Variants in VAT1L observed in about 807,000 individuals in gnomAD.
The protein encoded by VAT1L is putative NADPH-dependent quinone oxidoreductase VAT1L.
A neutral mutation model predicts 44.1 loss-of-function variants in VAT1L; 34 were observed. The observed-to-expected ratio is 0.77, with a 90% CI of 0.59 to 1.03. The LOEUF (loss-of-function observed/expected upper bound fraction) is 1.03, where lower values mean the gene tolerates loss of function less well. VAT1L is among the 50% of genes least tolerant of loss of function. VAT1L has a pLI of 0.00. For missense variants in VAT1L, 615 were observed against 538.8 expected (o/e 1.14, Z -1.40); for synonymous variants, 253 against 202.2 (o/e 1.25, Z -2.13).
At position 77,788,813 on chromosome 16, in the gene VAT1L, C is replaced by G. The variant is rs748130621; in HGVS notation, c.131C>G (p.Ala44Gly). 1 of 1,576,436 alleles carries G rather than the reference C, an allele frequency of 6.3e-7. No homozygotes were observed. Among genetic ancestry groups the G allele is most frequent in the East Asian group, 2.3e-5 (1 of 43,336 alleles). ...HRLGDAQEMR[A>G]VVLAGFGGLN... ...CTCGGGGACGCCCAGGAGATGCGCGCGGTGGTGCTGGCTGGCTTCGGGGGG... is the reference window on the plus strand; with the variant it reads ...CTCGGGGACGCCCAGGAGATGCGCGGGGTGGTGCTGGCTGGCTTCGGGGGG... Residue 44 changes from alanine to glycine, a missense_variant, in exon 1 of 9, where the codon GCG (alanine) becomes GGG (glycine). Transcript: ENST00000302536.
At chr16:77,815,951 G>A (rs1198447683) in intron 1 of VAT1L, among the ~76,000 whole-genome samples, 1 of 127,286 alleles carries the variant, frequency 7.9e-6, no homozygotes, top group Non-Finnish European at 1.7e-5. Context: ...CTGGACAACA[G>A]GAGCAAAACT....
intron 2 of VAT1L, among the ~76,000 whole-genome samples, chr16:77,823,704 T>G (rs1597181478): frequency 6.6e-6 from 1 of 152,338 alleles, no homozygotes; most frequent in South Asian, 2.1e-4. Flanking sequence ...ATAGATTTCA[T>G]AGTGATCAAA....
chr16:77,886,174 A>G (rs2017207339), intron 7 of VAT1L, among the ~76,000 whole-genome samples: 1 of 152,194 alleles, frequency 6.6e-6, no homozygotes, highest in African/African-American at 2.4e-5. Context: ...CGTATCAGAT[A>G]ATTGTGCATG....
At chr16:77,973,874 T>C (rs1205859283) in intron 8 of VAT1L, among the ~76,000 whole-genome samples, 1 of 151,892 alleles carries the variant, frequency 6.6e-6, no homozygotes, top group East Asian at 1.9e-4. Flanking sequence ...TACAGGCACC[T>C]GCCACCATGC....
At chr16:77,894,970 T>C (rs777342867) in intron 7 of VAT1L, among the ~76,000 whole-genome samples, 26 of 151,840 alleles carry the variant, frequency 1.7e-4, no homozygotes, top group Non-Finnish European at 3.2e-4. Flanking sequence ...ATGAGCAAAA[T>C]TGGGCTCCAG....
chr16:77,839,555 A>G (rs947468739), intron 3 of VAT1L, among the ~76,000 whole-genome samples: 30 of 145,786 alleles, frequency 2.1e-4, no homozygotes, highest in African/African-American at 6.5e-4. Flanking sequence ...AAAAAAAAAA[A>G]AAAAAAAAAA....
chr16:77,962,562 T>C (rs1036439826), intron 7 of VAT1L, among the ~76,000 whole-genome samples: 7 of 138,732 alleles, frequency 5.0e-5, no homozygotes, highest in African/African-American at 1.6e-4. Context: ...GAGTATATCA[T>C]AGGCGGGACC....
At chr16:77,896,780 T>C (rs970183977) in intron 7 of VAT1L, among the ~76,000 whole-genome samples, 7 of 152,254 alleles carry the variant, frequency 4.6e-5, no homozygotes, top group Middle Eastern at 3.4e-3. Flanking sequence ...TTGTTAGGAG[T>C]CTGGGAGCTC....
intron 7 of VAT1L, among the ~76,000 whole-genome samples, chr16:77,916,151 C>A (rs953508950): frequency 3.3e-5 from 5 of 152,056 alleles, no homozygotes; most frequent in African/African-American, 9.7e-5. Flanking sequence ...AGGGTCTGTA[C>A]GAAAGGGGGC....
chr16:77,908,688 G>A (rs918305356), intron 7 of VAT1L, among the ~76,000 whole-genome samples: 23 of 151,914 alleles, frequency 1.5e-4, no homozygotes, highest in Non-Finnish European at 2.8e-4. Flanking sequence ...GGCCGAGATG[G>A]GCAGATCACA....
At chr16:77,810,058 C>A (rs1243720224) in intron 1 of VAT1L, among the ~76,000 whole-genome samples, 1 of 152,138 alleles carries the variant, frequency 6.6e-6, no homozygotes, top group Non-Finnish European at 1.5e-5. Flanking sequence ...TGAACTTAAT[C>A]TAATAACACC....
intron 7 of VAT1L, among the ~76,000 whole-genome samples, chr16:77,898,551 T>C (rs1472508940): frequency 6.6e-6 from 1 of 152,124 alleles, no homozygotes; most frequent in East Asian, 1.9e-4. Context: ...ATCTGTGAAA[T>C]GAAGATGATA....
intron 3 of VAT1L, 57 bp downstream of exon 3, chr16:77,825,518 GAC>G: frequency 1.3e-6 from 2 of 1,528,138 alleles, no homozygotes; most frequent in Non-Finnish European, 8.9e-7. Context: ...GAAGTGGAGT[GAC>G]ACCCCCCTGA....
chr16:77,892,511 A>G, intron 7 of VAT1L: 1 of 559,262 alleles, frequency 1.8e-6, no homozygotes. Flanking sequence ...CAAGTTTCCA[A>G]AGACAGCAGA....
intron 7 of VAT1L, among the ~76,000 whole-genome samples, chr16:77,886,105 C>T (rs2142462653): frequency 6.6e-6 from 1 of 152,342 alleles, no homozygotes; most frequent in South Asian, 2.1e-4. Flanking sequence ...TTTCGGTTTG[C>T]TTCCTTCCAG....
chr16:77,927,671 T>C (rs1220083107), intron 7 of VAT1L, among the ~76,000 whole-genome samples: 1 of 151,478 alleles, frequency 6.6e-6, no homozygotes, highest in Admixed American at 6.6e-5. Flanking sequence ...AGGTCAGGAG[T>C]TCGAGACCAT....
chr16:77,961,205 TTCACA>T lies in VAT1L; in HGVS notation c.1078-10644_1078-10640del, dbSNP rs1376944481. Among the ~76,000 whole-genome samples the T allele has an allele frequency of 2.0e-5, 3 of 152,208 alleles. No homozygotes were observed. In the East Asian group the frequency reaches 5.8e-4, roughly 30 times the overall value. ...AGAGTCTTTGTTGGCTGCACGTCTA[TTCACA>T]GAGAAGCAAAAAATTTGGAGACAGG... On this transcript the variant is annotated intron_variant, in intron 7 of 8. Coordinates refer to ENST00000302536, the MANE Select transcript of VAT1L (RefSeq NM_020927.3).
chr16:77,832,770 A>G (rs1286646102), intron 3 of VAT1L, among the ~76,000 whole-genome samples: 1 of 152,206 alleles, frequency 6.6e-6, no homozygotes, highest in Non-Finnish European at 1.5e-5. Flanking sequence ...AAGAATCTAT[A>G]AAGGGGGCAT....
intron 7 of VAT1L, among the ~76,000 whole-genome samples, chr16:77,959,892 T>C (rs429467): frequency 1 from 152,238 of 152,238 alleles, 76,119 homozygotes; most frequent in Non-Finnish European, 1. Context: ...CAGAATTTTG[T>C]CCCACCTTGA....
Sources: gnomAD v4.1 joint callset for allele counts (sites outside exome capture counted in the v4.1 genomes callset) on GRCh38, gnomAD v4.1.1 for gene constraint, MANE v1.5 for transcripts, NCBI Gene and HGNC (gene_info 2026-07-23, HGNC 2026-07-21) for gene names.